The following RFX3 variants were observed in gnomAD, a reference collection of about 807,000 sequenced individuals.
The protein encoded by RFX3 is regulatory factor X3.
Under a neutral mutation model 98.6 loss-of-function variants are expected in RFX3, and 14 were observed. That is an observed-to-expected ratio of 0.14 (90% CI 0.09 to 0.22). The LOEUF is 0.22. Among genes scored for constraint, RFX3 ranks in the 10% least tolerant of loss-of-function variants. RFX3 has a pLI of 1.00. For synonymous variants in RFX3, 383 were observed against 328.4 expected (o/e 1.17, Z -1.80); for missense variants, 639 against 926.9 (o/e 0.69, Z 4.03).
chr9:3,443,164 C>T (rs1229290060), intron 1 of RFX3, among the ~76,000 whole-genome samples: 1 of 152,136 alleles, frequency 6.6e-6, no homozygotes, highest in Non-Finnish European at 1.5e-5. Flanking sequence ...AGAAAGAAAC[C>T]ACTACACATC....
At chr9:3,343,138 G>A (rs189961632) in intron 3 of RFX3, among the ~76,000 whole-genome samples, 15 of 152,268 alleles carry the variant, frequency 9.9e-5, no homozygotes, top group South Asian at 4.1e-4. Flanking sequence ...CATAAGTGAC[G>A]ACACATATCT....
At chr9:3,325,159 T>A (rs2130805372) in intron 4 of RFX3, among the ~76,000 whole-genome samples, 1 of 152,116 alleles carries the variant, frequency 6.6e-6, no homozygotes, top group East Asian at 1.9e-4. Context: ...TGGCCATTGG[T>A]AACGTAGCAG....
intron 3 of RFX3, among the ~76,000 whole-genome samples, chr9:3,338,531 G>T (rs185633217): frequency 7.6e-4 from 115 of 152,204 alleles, no homozygotes; most frequent in African/African-American, 2.6e-3. Flanking sequence ...CTTTATTTCT[G>T]TATGGTAGAA....
chr9:3,357,647 T>C (rs973775512), intron 2 of RFX3, among the ~76,000 whole-genome samples: 1 of 151,954 alleles, frequency 6.6e-6, no homozygotes, highest in Admixed American at 6.6e-5. Context: ...AAAATACAGT[T>C]AGATAAAAGT....
chr9:3,459,145 T>C (rs1283793174), intron 1 of RFX3, among the ~76,000 whole-genome samples: 1 of 152,100 alleles, frequency 6.6e-6, no homozygotes, highest in South Asian at 2.1e-4. Context: ...GAGAGATGAA[T>C]CTTGCATTAC....
intron 15 of RFX3, among the ~76,000 whole-genome samples, chr9:3,233,275 C>T (rs2130738990): frequency 6.6e-6 from 1 of 152,230 alleles, no homozygotes; most frequent in East Asian, 1.9e-4. Flanking sequence ...CCTGAGAGAC[C>T]CTGGGTTGTG....
At chr9:3,373,952 C>T (rs1164084472) in intron 2 of RFX3, among the ~76,000 whole-genome samples, 1 of 152,068 alleles carries the variant, frequency 6.6e-6, no homozygotes, top group Non-Finnish European at 1.5e-5. Context: ...GTGGCATGCG[C>T]CTGTAGTCCC....
chr9:3,427,149 A>C (rs905422799), intron 1 of RFX3, among the ~76,000 whole-genome samples: 8 of 149,518 alleles, frequency 5.4e-5, no homozygotes, highest in African/African-American at 2.0e-4. Context: ...TATTTTGACT[A>C]TTGGTCATAC....
chr9:3,274,458 C>T (rs1056924195), intron 9 of RFX3, among the ~76,000 whole-genome samples: 2 of 152,106 alleles, frequency 1.3e-5, no homozygotes, highest in Non-Finnish European at 2.9e-5. Context: ...CCATTATCCC[C>T]TTTTTGCCAG....
At chr9:3,284,578 T>C (rs1826330525) in intron 7 of RFX3, among the ~76,000 whole-genome samples, 1 of 151,706 alleles carries the variant, frequency 6.6e-6, no homozygotes, top group Non-Finnish European at 1.5e-5. Context: ...GCAGTTGTTA[T>C]ATTGTGTTAG....
intron 2 of RFX3, among the ~76,000 whole-genome samples, chr9:3,350,979 A>G (rs1835040747): frequency 6.6e-6 from 1 of 152,120 alleles, no homozygotes; most frequent in South Asian, 2.1e-4. Context: ...GGATTTGTAG[A>G]ACAGTGAAAC....
intron 1 of RFX3, among the ~76,000 whole-genome samples, chr9:3,462,597 C>A (rs903029269): frequency 1.5e-4 from 23 of 152,008 alleles, no homozygotes; most frequent in African/African-American, 5.3e-4. Flanking sequence ...GTAGTAAAAA[C>A]TGCCTTTATT....
intron 1 of RFX3, among the ~76,000 whole-genome samples, chr9:3,494,218 A>G (rs1850948934): frequency 1.3e-5 from 2 of 152,176 alleles, no homozygotes. Context: ...CCTCAATCAT[A>G]TATTTGCATA....
intron 1 of RFX3, among the ~76,000 whole-genome samples, chr9:3,436,520 A>C (rs891776877): frequency 3.3e-5 from 5 of 152,118 alleles, no homozygotes; most frequent in African/African-American, 7.2e-5. Context: ...CAAAACTAAT[A>C]TACCTTAAAA....
At chr9:3,392,536 G>A (rs1381478665) in intron 2 of RFX3, among the ~76,000 whole-genome samples, 1 of 151,490 alleles carries the variant, frequency 6.6e-6, no homozygotes, top group Admixed American at 6.6e-5. Context: ...AAAAAAACAA[G>A]AAAACAGAGG....
chr9:3,273,116 T>C (rs1563839146), intron 9 of RFX3, among the ~76,000 whole-genome samples: 1 of 152,162 alleles, frequency 6.6e-6, no homozygotes, highest in Non-Finnish European at 1.5e-5. Flanking sequence ...CTAAAATATA[T>C]AGGCAAATAT....
At position 3,274,736 on chromosome 9, in the gene RFX3, G is replaced by A. The variant is rs1824967843; in HGVS notation, c.1086+764C>T. On this transcript the variant is annotated intron_variant, in intron 9 of 16. Transcript: ENST00000617270. ...GATATAAAATTCAAAAGATAAAACA[G>A]GTCTGTTGAAAAGTTGAGTCTCTCC... Among the ~76,000 whole-genome samples, 3 of 152,028 alleles carry A rather than the reference G, an allele frequency of 2.0e-5. No individual in the cohort carries two copies. In the South Asian group the frequency reaches 6.2e-4, roughly 32 times the overall value.
chr9:3,515,812 C>T (rs537416517), intron 1 of RFX3, among the ~76,000 whole-genome samples: 167 of 151,982 alleles, frequency 1.1e-3, no homozygotes, highest in Non-Finnish European at 2.1e-3. Context: ...GAATGTAGTC[C>T]AGAAACTTGA....
chr9:3,261,360 T>C (rs1367157959), intron 13 of RFX3, among the ~76,000 whole-genome samples: 1 of 152,094 alleles, frequency 6.6e-6, no homozygotes, highest in East Asian at 1.9e-4. Flanking sequence ...TATAGATGTA[T>C]CTATTCTGGA....
Sources: gnomAD v4.1 joint callset for allele counts (sites outside exome capture counted in the v4.1 genomes callset) on GRCh38, gnomAD v4.1.1 for gene constraint, MANE v1.5 for transcripts, NCBI Gene and HGNC (gene_info 2026-07-23, HGNC 2026-07-21) for gene names.